Variants in TM9SF3 observed in about 807,000 individuals in gnomAD.
The protein encoded by TM9SF3 is transmembrane 9 superfamily member 3.
Under a neutral mutation model 78.6 loss-of-function variants are expected in TM9SF3, and 14 were observed. The ratio of observed to expected loss-of-function variants is 0.18; its 90% CI spans 0.12 to 0.28. The LOEUF (loss-of-function observed/expected upper bound fraction) is 0.28. Ranked by LOEUF, TM9SF3 falls within the 10% of genes least tolerant of loss-of-function variation. The pLI is 1.00. For missense variants in TM9SF3, 496 were observed against 721.9 expected (o/e 0.69, Z 3.59); for synonymous variants, 231 against 241.7 (o/e 0.96, Z 0.41).
chr10:96,577,975 A>G (rs1848517065), intron 1 of TM9SF3, among the ~76,000 whole-genome samples: 1 of 152,112 alleles, frequency 6.6e-6, no homozygotes, highest in Non-Finnish European at 1.5e-5. Context: ...AAACTCATCT[A>G]CCCAAATCCA....
intron 14 of TM9SF3, among the ~76,000 whole-genome samples, chr10:96,525,384 C>T (rs909269964): frequency 7.9e-5 from 12 of 152,008 alleles, no homozygotes; most frequent in Admixed American, 2.0e-4. Flanking sequence ...GTGACTATAA[C>T]ATAGAGAATG....
chr10:96,526,889 T>C (rs1847844160), intron 14 of TM9SF3, among the ~76,000 whole-genome samples: 1 of 152,106 alleles, frequency 6.6e-6, no homozygotes, highest in African/African-American at 2.4e-5. Context: ...CACAGTGGCA[T>C]GTGCCTGTAG....
Position 96,579,791 on chromosome 10 carries a change from T to C in TM9SF3, c.103-2962A>G, listed in dbSNP as rs182447559. Among the ~76,000 whole-genome samples, 36 of 152,354 alleles carry C rather than the reference T, an allele frequency of 2.4e-4. No homozygotes were observed. The East Asian group carries it at 6.2e-3, about 26-fold the overall frequency. On this transcript the variant is annotated intron_variant, in intron 1 of 14. Coordinates refer to ENST00000371142, the MANE Select transcript of TM9SF3 (RefSeq NM_020123.4). ...AATACAATTAACTTAAAATGTTTAC[T>C]TTTCATTGCAGACCTTGATTGTCCC...
rs1404546558 is a variant in TM9SF3 at position 96,539,494 on chromosome 10, G to A, written c.1185+4582C>T. Among the ~76,000 whole-genome samples the A allele has an allele frequency of 2.7e-4, 41 of 152,306 alleles. 1 individual carries two copies. Among genetic ancestry groups the A allele is most frequent in the Admixed American group, 2.6e-3 (40 of 15,302 alleles). ...GAAAATTACACTATGATAAGAGAGA[G>A]CAGGCTGGTGGTTACCTAAGAATAG... On this transcript the variant is annotated intron_variant, in intron 9 of 14. Transcript: ENST00000371142.
At chr10:96,532,421 A>C (rs1178182650) in intron 10 of TM9SF3, among the ~76,000 whole-genome samples, 3 of 150,832 alleles carry the variant, frequency 2.0e-5, no homozygotes, top group African/African-American at 7.3e-5. Flanking sequence ...CTATTTGTAT[A>C]AGCACCTGAA....
In TM9SF3 at chr10:96,522,248, G is replaced by C; in HGVS notation, c.*15C>G. On this transcript the variant is annotated 3_prime_UTR_variant, in exon 15 of 15. Coordinates refer to ENST00000371142, the MANE Select transcript of TM9SF3 (RefSeq NM_020123.4). Reference sequence around the variant, plus strand: ...AAAAAGAAATTGATCCAAAGTTCCAGGTTTTCTTGGGTCTCTAGTCAATTT... The same window carrying C: ...AAAAAGAAATTGATCCAAAGTTCCACGTTTTCTTGGGTCTCTAGTCAATTT... 1 of 1,593,810 alleles carries C rather than the reference G, an allele frequency of 6.3e-7. No individual in the cohort carries two copies. Among genetic ancestry groups the C allele is most frequent in the Non-Finnish European group, 8.5e-7 (1 of 1,171,706 alleles).
chr10:96,586,594 C>T (rs894021338), intron 1 of TM9SF3, 140 bp downstream of exon 1: 13 of 662,174 alleles, frequency 2.0e-5, no homozygotes, highest in Middle Eastern at 5.1e-4. Flanking sequence ...GTTCCTGCTC[C>T]GCCAGGCCCA....
At chr10:96,548,797 CA>C (rs5787196) in intron 7 of TM9SF3, among the ~76,000 whole-genome samples, 18,010 of 58,502 alleles carry the variant, frequency 0.31, 768 homozygotes, top group Admixed American at 0.35. Flanking sequence ...GACTCCATCT[CA>C]AAAAAAAAAA....
chr10:96,560,111 G>A (rs1471305242), intron 4 of TM9SF3: 13 of 667,338 alleles, frequency 1.9e-5, no homozygotes, highest in Admixed American at 1.1e-4. Context: ...TCTGTCCTGC[G>A]TGGCTGTTCT....
chr10:96,559,255 T>C (rs962594321), intron 5 of TM9SF3, among the ~76,000 whole-genome samples: 2 of 152,178 alleles, frequency 1.3e-5, no homozygotes, highest in African/African-American at 2.4e-5. Flanking sequence ...TCTGAGTGTG[T>C]TAAGTCTAAT....
intron 9 of TM9SF3, among the ~76,000 whole-genome samples, chr10:96,533,426 C>A (rs886347819): frequency 6.6e-6 from 1 of 152,182 alleles, no homozygotes; most frequent in Admixed American, 6.5e-5. Context: ...TCCATTCTTT[C>A]CTATTCTTCC....
At chr10:96,545,892 AATCAATC>A (rs1848091980) in intron 8 of TM9SF3, among the ~76,000 whole-genome samples, 2 of 6,822 alleles carry the variant, frequency 2.9e-4, no homozygotes, top group African/African-American at 4.8e-4. Context: ...TCCATCTCAA[AATCAATC>A]AATCAATCAA....
Position 96,521,910 on chromosome 10 carries a change from CTATT to C in TM9SF3, c.*349_*352del, listed in dbSNP as rs1847780264. On this transcript the variant is annotated 3_prime_UTR_variant, in exon 15 of 15. Coordinates refer to ENST00000371142, the MANE Select transcript of TM9SF3 (RefSeq NM_020123.4). ...GTAATTTTAGCATCCAAGTTTCCCTCTATTTATTTTATTGGAACAAATGCTTTAA... is the reference window on the plus strand; with the variant it reads ...GTAATTTTAGCATCCAAGTTTCCCTCTATTTTATTGGAACAAATGCTTTAA... 1 of 181,648 alleles carries C rather than the reference CTATT, an allele frequency of 5.5e-6. No individual in the cohort carries two copies. Among genetic ancestry groups the C allele is most frequent in the South Asian group, 1.5e-4 (1 of 6,804 alleles). 11.3% of individuals were successfully genotyped at this position (181,648 alleles called of 1,614,324 possible).
intron 7 of TM9SF3, 107 bp downstream of exon 7, chr10:96,551,138 A>T: frequency 1.1e-6 from 1 of 929,470 alleles, no homozygotes; most frequent in Non-Finnish European, 1.6e-6. Flanking sequence ...AAACTGTAAG[A>T]TAAAGGAAAT....
At chr10:96,538,504 C>T (rs1847985088) in intron 9 of TM9SF3, among the ~76,000 whole-genome samples, 1 of 152,006 alleles carries the variant, frequency 6.6e-6, no homozygotes. Context: ...ACAGAAAAAG[C>T]ACAAAGCATA....
At chr10:96,580,807 T>C (rs1254614760) in intron 1 of TM9SF3, among the ~76,000 whole-genome samples, 1 of 152,152 alleles carries the variant, frequency 6.6e-6, no homozygotes, top group Non-Finnish European at 1.5e-5. Flanking sequence ...ATATGAACAC[T>C]TAAATAATCA....
At chr10:96,565,480 TAAA>T (rs878904501) in intron 2 of TM9SF3, 54 bp from the exon 3 acceptor site, 15 of 1,223,004 alleles carry the variant, frequency 1.2e-5, no homozygotes, top group South Asian at 5.0e-5. Context: ...ATAGTTACAT[TAAA>T]AAAAAAAAAG....
intron 2 of TM9SF3, among the ~76,000 whole-genome samples, chr10:96,574,103 T>C (rs969425843): frequency 4.6e-5 from 7 of 152,098 alleles, no homozygotes; most frequent in Admixed American, 1.3e-4. Flanking sequence ...AGCTTCTGCA[T>C]AGCAAAAGAA....
chr10:96,586,071 G>T (rs1199041646), intron 1 of TM9SF3, among the ~76,000 whole-genome samples: 2 of 152,210 alleles, frequency 1.3e-5, no homozygotes, highest in East Asian at 3.8e-4. Flanking sequence ...ATCGGGATGG[G>T]GGTCTCACTT....
Sources: allele counts gnomAD v4.1 joint callset (sites outside exome capture counted in the v4.1 genomes callset), GRCh38; gene constraint gnomAD v4.1.1; transcripts MANE v1.5; gene names NCBI Gene and HGNC (gene_info 2026-07-23, HGNC 2026-07-21).